The following FBXO11 variants were observed in gnomAD, a reference collection of about 807,000 sequenced individuals.
FBXO11 encodes F-box protein 11, also known as F-box only protein 11.
FBXO11 carries 13 observed loss-of-function variants against 117.0 expected under a neutral mutation model. The ratio of observed to expected loss-of-function variants is 0.11; its 90% CI spans 0.07 to 0.18. The LOEUF is 0.18. FBXO11 is among the 10% of genes least tolerant of loss of function. FBXO11 has a pLI of 1.00. For missense variants in FBXO11, 767 were observed against 1,164.4 expected (o/e 0.66, Z 4.97); for synonymous variants, 490 against 380.5 (o/e 1.29, Z -3.35).
chr2:47,839,471 A>G lies in FBXO11; in HGVS notation c.390T>C (p.Phe130=), dbSNP rs200156197. Residue 130 remains phenylalanine (F), a synonymous_variant, in exon 3 of 23, where the codon TTT becomes TTC. Coordinates refer to ENST00000403359, the MANE Select transcript of FBXO11 (RefSeq NM_001190274.2). ...EGASTSTTEN[F]GHRAKRARVS... is the part of the protein sequence containing the mutation. ...CTCTTGCACGTTTTGCACGATGACC[A>G]AAGTTTTCTGTAGTTGAAGTTGAGG... 10 of 1,614,056 alleles carry G rather than the reference A, an allele frequency of 6.2e-6. No homozygotes were observed. Among genetic ancestry groups the G allele is most frequent in the Non-Finnish European group, 8.5e-6 (10 of 1,180,006 alleles).
chr2:47,901,096 CATATAT>C (rs1416788279), intron 1 of FBXO11, among the ~76,000 whole-genome samples: 2 of 101,102 alleles, frequency 2.0e-5, no homozygotes, highest in African/African-American at 7.5e-5. Flanking sequence ...CATATATATA[CATATAT>C]ATGTATATAT....
rs1283887402 is a variant in FBXO11, at chr2:47,832,966, T to G, written c.1039A>C (p.Arg347=). The change falls in exon 8 of 23, where the codon AGG becomes CGG. Residue 347 remains arginine (R), a splice_region_variant and synonymous_variant. Coordinates refer to ENST00000403359, the MANE Select transcript of FBXO11 (RefSeq NM_001190274.2). ...EDAYVGYMTI[R]FNPDDKSAQH... ...TTTTAAATCTTAACATGTCTTACCC[T>G]TATTGTCATATATCCAACATAAGCA... 3.1e-6 allele frequency: 5 copies of G among 1,609,168 alleles called. No individual in the cohort carries two copies. The highest frequency in any genetic ancestry group is 4.3e-6 in the Non-Finnish European group (5 of 1,175,554).
intron 4 of FBXO11, among the ~76,000 whole-genome samples, chr2:47,837,525 C>G (rs1300551009): frequency 1.3e-5 from 2 of 152,062 alleles, no homozygotes; most frequent in South Asian, 2.1e-4. Context: ...GAAACTCCGT[C>G]AAAAACAACA....
rs771214799 is a variant in FBXO11, at chr2:47,818,995, A to G, written c.1881T>C (p.Thr627=). 5.6e-6 allele frequency: 9 copies of G among 1,613,978 alleles called. No individual in the cohort carries two copies. The highest frequency in any genetic ancestry group is 7.6e-6 in the Non-Finnish European group (9 of 1,179,982). The part of the protein sequence containing the change: ...LAGVWVTTGS[T]PVLRRNRIHS... ...GTATCCGGTTTCTTCTCAGTACTGG[A>G]GTGCTGCCAGTTGTCACCCAGACTC... Residue 627 remains threonine, a synonymous_variant, in exon 15 of 23, where the codon ACT becomes ACC. Coordinates refer to ENST00000403359, the MANE Select transcript of FBXO11 (RefSeq NM_001190274.2).
chr2:47,813,475 G>A, intron 17 of FBXO11, 98 bp from the exon 18 acceptor site: 3 of 781,628 alleles, frequency 3.8e-6, no homozygotes, highest in Non-Finnish European at 5.3e-6. Flanking sequence ...CTGTTGCCAG[G>A]CTGGAGTGTG....
Position 47,809,278 on chromosome 2 carries a change from GAA to G in FBXO11, c.2447-14_2447-13del. ...CATTATTTTGTTATCTGTAATAAAAGAAAGAATAAGTAAAAATTCAGAGGAAT... is the reference window on the plus strand; with the variant it reads ...CATTATTTTGTTATCTGTAATAAAAGAGAATAAGTAAAAATTCAGAGGAAT... On this transcript the variant is annotated splice_polypyrimidine_tract_variant and intron_variant, in intron 20 of 22. Transcript: ENST00000403359. The G allele has an allele frequency of 6.8e-7, 1 of 1,460,386 alleles. No individual in the cohort carries two copies. The highest frequency in any genetic ancestry group is 9.4e-7 in the Non-Finnish European group (1 of 1,058,446). 90.5% of individuals were successfully genotyped at this position (1,460,386 alleles called of 1,614,324 possible).
At chr2:47,820,071 G>A (rs1303033765) in intron 14 of FBXO11, among the ~76,000 whole-genome samples, 1 of 152,186 alleles carries the variant, frequency 6.6e-6, no homozygotes, top group Non-Finnish European at 1.5e-5. Context: ...CTGCTGCTGA[G>A]GCTAGCCCAT....
chr2:47,900,783 C>T (rs1457426272), intron 1 of FBXO11, among the ~76,000 whole-genome samples: 1 of 107,628 alleles, frequency 9.3e-6, no homozygotes, highest in Non-Finnish European at 2.0e-5. Context: ...CACGTATACA[C>T]ACACGTGTAT....
intron 1 of FBXO11, among the ~76,000 whole-genome samples, chr2:47,882,811 C>A (rs1676532287): frequency 6.6e-6 from 1 of 152,136 alleles, no homozygotes; most frequent in Non-Finnish European, 1.5e-5. Flanking sequence ...GCCACCACAC[C>A]CGGCTAATTT....
At chr2:47,820,215 G>T in intron 14 of FBXO11, 147 bp downstream of exon 14, 1 of 468,966 alleles carries the variant, frequency 2.1e-6, no homozygotes, top group Non-Finnish European at 3.8e-6. Context: ...GGGAGAAGAA[G>T]AACGTTATTT....
chr2:47,868,780 A>AGC, intron 1 of FBXO11, among the ~76,000 whole-genome samples: 1 of 152,212 alleles, frequency 6.6e-6, no homozygotes, highest in East Asian at 1.9e-4. Context: ...GCCAATACTT[A>AGC]GCCCCCAATA....
intron 1 of FBXO11, among the ~76,000 whole-genome samples, chr2:47,904,005 C>CT (rs1410063193): frequency 6.6e-6 from 1 of 152,174 alleles, no homozygotes; most frequent in African/African-American, 2.4e-5. Flanking sequence ...TTCTTTCAAG[C>CT]AACATATAGC....
intron 1 of FBXO11, among the ~76,000 whole-genome samples, chr2:47,899,547 T>C (rs1239468925): frequency 1.3e-5 from 2 of 152,198 alleles, no homozygotes; most frequent in Non-Finnish European, 2.9e-5. Context: ...GAGGTAACAT[T>C]GCTCACCAAA....
intron 1 of FBXO11, among the ~76,000 whole-genome samples, chr2:47,901,096 C>A (rs1167813321): frequency 9.9e-6 from 1 of 101,102 alleles, no homozygotes; most frequent in Non-Finnish European, 2.1e-5. Context: ...CATATATATA[C>A]ATATATATGT....
chr2:47,818,732 T>A, intron 16 of FBXO11, 47 bp downstream of exon 16: 1 of 1,362,946 alleles, frequency 7.3e-7, no homozygotes, highest in Non-Finnish European at 1.0e-6. Flanking sequence ...ACACCCCACA[T>A]ACTCCTAACT....
chr2:47,876,160 G>C (rs965929491), intron 1 of FBXO11, among the ~76,000 whole-genome samples: 1 of 152,194 alleles, frequency 6.6e-6, no homozygotes, highest in Non-Finnish European at 1.5e-5. Context: ...TTTAGTTTTG[G>C]TAAAATACCC....
At chr2:47,814,302 A>C (rs1231817894) in intron 16 of FBXO11, 1 of 153,614 alleles carries the variant, frequency 6.5e-6, no homozygotes, top group Non-Finnish European at 1.4e-5. Context: ...CATAAAAAAA[A>C]GCACATACCC....
chr2:47,840,110 AT>A (rs1672902748), intron 1 of FBXO11, among the ~76,000 whole-genome samples: 1 of 151,228 alleles, frequency 6.6e-6, no homozygotes, highest in Non-Finnish European at 1.5e-5. Flanking sequence ...CGCCCAGCTA[AT>A]TTTTTGTATT....
chr2:47,813,665 T>G, intron 17 of FBXO11, 126 bp downstream of exon 17: 1 of 708,228 alleles, frequency 1.4e-6, no homozygotes, highest in Non-Finnish European at 2.4e-6. Context: ...ACTCCTGACC[T>G]CGGGTGATCC....
Sources: allele counts gnomAD v4.1 joint callset (sites outside exome capture counted in the v4.1 genomes callset), GRCh38; gene constraint gnomAD v4.1.1; transcripts MANE v1.5; gene names NCBI Gene and HGNC (gene_info 2026-07-23, HGNC 2026-07-21).